Variants in UPP2 observed in about 807,000 individuals in gnomAD.
UPP2 encodes the protein uridine phosphorylase 2.
UPP2 carries 23 observed loss-of-function variants against 26.7 expected under a neutral mutation model. The ratio of observed to expected loss-of-function variants is 0.86; its 90% CI spans 0.62 to 1.22. UPP2 has a LOEUF of 1.22. Ranked by LOEUF, UPP2 falls within the 50% of genes most tolerant of loss-of-function variation. The probability of loss-of-function intolerance (pLI) is 0.00; values close to 1 mark genes in which losing one functional copy is unlikely to be tolerated. For synonymous variants in UPP2, 127 were observed against 141.3 expected (o/e 0.90, Z 0.72); for missense variants, 387 against 396.7 (o/e 0.98, Z 0.21).
intron 2 of UPP2, among the ~76,000 whole-genome samples, chr2:158,111,752 T>C (rs1473749422): frequency 6.6e-6 from 1 of 152,188 alleles, no homozygotes; most frequent in Non-Finnish European, 1.5e-5. Context: ...TTTGTTTCAG[T>C]TTTGTTTCTC....
intron 3 of UPP2, among the ~76,000 whole-genome samples, chr2:158,074,189 C>T (rs948808167): frequency 4.6e-5 from 7 of 151,944 alleles, no homozygotes; most frequent in Non-Finnish European, 1.0e-4. Flanking sequence ...AACAAACAAA[C>T]AAAATCCAAA....
At chr2:157,995,328 G>T (rs1683308515) in intron 2 of UPP2, 1 of 1,538,050 alleles carries the variant, frequency 6.5e-7, no homozygotes, top group African/African-American at 1.4e-5. Flanking sequence ...CCAAGTCTCA[G>T]TACAAATTAA....
rs1406505346 is a variant in UPP2 at position 158,009,571 on chromosome 2, G to C, written c.62-6230G>C. Among the ~76,000 whole-genome samples the C allele has an allele frequency of 2.0e-5, 3 of 152,318 alleles. No homozygotes were observed. The East Asian group carries it at 5.8e-4, about 29-fold the overall frequency. ...AATCTTCATGGAAAAGGCTTTTCTTGTCATAGCACTGGGCTGACTTTCAAG... is the reference window on the plus strand; with the variant it reads ...AATCTTCATGGAAAAGGCTTTTCTTCTCATAGCACTGGGCTGACTTTCAAG... On this transcript the variant is annotated intron_variant, in intron 2 of 9. Transcript: ENST00000605860.
chr2:157,996,758 T>C (rs967196835), intron 2 of UPP2, among the ~76,000 whole-genome samples: 1 of 152,190 alleles, frequency 6.6e-6, no homozygotes. Flanking sequence ...ATGAAGCATA[T>C]TGATTAAACT....
chr2:158,086,080 C>T lies in UPP2; in HGVS notation c.148-15960C>T, dbSNP rs532107889. On this transcript the variant is annotated intron_variant, in intron 3 of 9. Coordinates refer to the UPP2 transcript ENST00000605860. ...TGGAATAGTGTCAACAGGATTGGCA[C>T]GAATTCTTCTTTGAATGTCTGATAG... Among the ~76,000 whole-genome samples, 31 of 152,130 alleles carry T rather than the reference C, an allele frequency of 2.0e-4. No homozygotes were observed. In the Middle Eastern group the frequency reaches 0.014, roughly 67 times the overall value.
At chr2:158,068,802 A>ATATAT (rs1682488495) in intron 3 of UPP2, among the ~76,000 whole-genome samples, 1 of 18,898 alleles carries the variant, frequency 5.3e-5, no homozygotes, top group African/African-American at 2.3e-4. Flanking sequence ...ATATATATAT[A>ATATAT]TTTTTTTTTT....
At chr2:158,003,720 A>T (rs1025761272) in intron 2 of UPP2, among the ~76,000 whole-genome samples, 4 of 151,760 alleles carry the variant, frequency 2.6e-5, no homozygotes, top group African/African-American at 9.7e-5. Flanking sequence ...AAAATAAAAA[A>T]AAAAAAAAAA....
chr2:158,008,920 G>A (rs1324819136), intron 2 of UPP2, among the ~76,000 whole-genome samples: 1 of 152,160 alleles, frequency 6.6e-6, no homozygotes, highest in Non-Finnish European at 1.5e-5. Context: ...GGTATTTGTT[G>A]TTTAATTGGT....
chr2:158,101,949 T>C lies in UPP2; in HGVS notation c.-115T>C. On this transcript the variant is annotated 5_prime_UTR_variant, in exon 1 of 7. Coordinates refer to ENST00000005756, the MANE Select transcript of UPP2 (RefSeq NM_173355.4). ...AGGAAAACCTAAGTTTTAAGAGAGG[T>C]TATCATTCTGACTGGGAACTGAACT... 1 of 1,446,892 alleles carries C rather than the reference T, an allele frequency of 6.9e-7. No homozygotes were observed. Among genetic ancestry groups the C allele is most frequent in the Non-Finnish European group, 9.1e-7 (1 of 1,099,254 alleles). The allele number at this position is 1,446,892 out of a possible 1,614,324, so 89.6% of individuals were successfully genotyped here. A position where few individuals can be genotyped will look rare whatever the true frequency, so the allele number is the denominator to read the frequency against.
intron 3 of UPP2, among the ~76,000 whole-genome samples, chr2:158,060,890 G>A (rs905404446): frequency 7.2e-5 from 11 of 152,132 alleles, no homozygotes; most frequent in African/African-American, 2.4e-4. Flanking sequence ...TCCGGCCTTC[G>A]GAAATGTGAG....
At chr2:158,070,490 T>G (rs1404760272) in intron 3 of UPP2, among the ~76,000 whole-genome samples, 1 of 152,152 alleles carries the variant, frequency 6.6e-6, no homozygotes, top group African/African-American at 2.4e-5. Context: ...ACATAGCCAG[T>G]TAATTATGGA....
At chr2:158,076,105 A>G (rs1682626998) in intron 3 of UPP2, among the ~76,000 whole-genome samples, 1 of 151,970 alleles carries the variant, frequency 6.6e-6, no homozygotes, top group Non-Finnish European at 1.5e-5. Context: ...GACATATACC[A>G]CCTAACAAGA....
chr2:158,120,025 A>T lies in UPP2; in HGVS notation c.455-1384A>T, dbSNP rs970168539. ...GACCTCATCTCAAAAAAAAAAAATAAAAATAAAAATAAATTAAAAAAAAAT... is the reference window on the plus strand; with the variant it reads ...GACCTCATCTCAAAAAAAAAAAATATAAATAAAAATAAATTAAAAAAAAAT... On this transcript the variant is annotated intron_variant, in intron 4 of 6. Coordinates refer to ENST00000005756, the MANE Select transcript of UPP2 (RefSeq NM_173355.4). Among the ~76,000 whole-genome samples, 89 of 151,736 alleles carry T rather than the reference A, an allele frequency of 5.9e-4. 1 individual carries two copies. Among genetic ancestry groups the T allele is most frequent in the African/African-American group, 2.0e-3 (82 of 41,470 alleles).
intron 2 of UPP2, among the ~76,000 whole-genome samples, chr2:158,013,168 T>G (rs972376236): frequency 6.6e-6 from 1 of 152,124 alleles, no homozygotes; most frequent in African/African-American, 2.4e-5. Context: ...TTAAAAAGTT[T>G]TATTTTTTGT....
chr2:158,084,268 G>T (rs1314308982), intron 3 of UPP2, among the ~76,000 whole-genome samples: 1 of 151,944 alleles, frequency 6.6e-6, no homozygotes, highest in Non-Finnish European at 1.5e-5. Context: ...TAGTGACATT[G>T]AACATTTTTT....
intron 3 of UPP2, among the ~76,000 whole-genome samples, chr2:158,060,068 T>G (rs1345355131): frequency 6.6e-6 from 1 of 152,136 alleles, no homozygotes; most frequent in African/African-American, 2.4e-5. Flanking sequence ...CAACCACATC[T>G]GATTTGTGTG....
chr2:158,031,684 A>G (rs1006015333), intron 3 of UPP2, among the ~76,000 whole-genome samples: 5 of 152,218 alleles, frequency 3.3e-5, no homozygotes, highest in African/African-American at 4.8e-5. Flanking sequence ...AGATACATGA[A>G]CTTCTTTGTA....
In UPP2 at chr2:158,117,876, T is replaced by C. The variant is rs1312053941; in HGVS notation, c.392T>C (p.Leu131Ser). The change falls in exon 4 of 7, where the codon TTA (leucine) becomes TCA (serine). Residue 131 changes from leucine (L) to serine (S), a missense_variant. Coordinates refer to ENST00000005756, the MANE Select transcript of UPP2 (RefSeq NM_173355.4). ...ISIMLHELIK[L>S]LHHARCCDVT... ...ATTATGCTTCATGAACTCATCAAAT[T>C]ACTCCACCATGCACGGTGCTGCGAT... The C allele has an allele frequency of 6.2e-7, 1 of 1,613,344 alleles. No individual in the cohort carries two copies. The highest frequency in any genetic ancestry group is 1.7e-5 in the Admixed American group (1 of 59,988).
chr2:158,132,674 C>T (rs1320538991), intron 6 of UPP2, among the ~76,000 whole-genome samples: 1 of 151,990 alleles, frequency 6.6e-6, no homozygotes, highest in Non-Finnish European at 1.5e-5. Context: ...GGAACTCAAA[C>T]AACTCAATAG....
Sources: gnomAD v4.1 joint callset for allele counts (sites outside exome capture counted in the v4.1 genomes callset) on GRCh38, gnomAD v4.1.1 for gene constraint, MANE v1.5 for transcripts, NCBI Gene and HGNC (gene_info 2026-07-23, HGNC 2026-07-21) for gene names.